Variants in POT1 observed in about 807,000 individuals in gnomAD.
POT1 encodes protection of telomeres 1.
A neutral mutation model predicts 78.5 loss-of-function variants in POT1; 47 were observed. The ratio of observed to expected loss-of-function variants is 0.60; its 90% CI spans 0.47 to 0.76. The LOEUF is 0.76. POT1 is among the 30% of genes least tolerant of loss of function. The pLI is 0.00. For synonymous variants in POT1, 259 were observed against 260.7 expected (o/e 0.99, Z 0.06); for missense variants, 646 against 749.9 (o/e 0.86, Z 1.62).
At chr7:124,828,028 G>A (rs753599936) in intron 16 of POT1, among the ~76,000 whole-genome samples, 1 of 151,930 alleles carries the variant, frequency 6.6e-6, no homozygotes, top group African/African-American at 2.4e-5. Flanking sequence ...GTAAGGCTCT[G>A]TCTCAAAATA....
intron 2 of POT1, among the ~76,000 whole-genome samples, chr7:124,916,782 GAGCC>G (rs1797025011): frequency 6.6e-6 from 1 of 152,024 alleles, no homozygotes. Flanking sequence ...AAAACACATG[GAGCC>G]CCCAAGCTGC....
Position 124,892,173 on chromosome 7 carries a change from T to C in POT1, c.124+93A>G, listed in dbSNP as rs1221227687. 8 of 738,518 alleles carry C rather than the reference T, an allele frequency of 1.1e-5. No individual in the cohort carries two copies. The East Asian group carries it at 2.4e-4, about 22-fold the overall frequency. 45.7% of individuals were successfully genotyped at this position (738,518 alleles called of 1,614,324 possible). On this transcript the variant is annotated intron_variant, in intron 6 of 18. Transcript: ENST00000357628. ...TGGCAATTATAGGTCAGAACTGAGC[T>C]TCTATTCTAGGACTTAGGGTACAGA...
At chr7:124,839,871 G>C (rs1435153959) in intron 14 of POT1, among the ~76,000 whole-genome samples, 1 of 151,742 alleles carries the variant, frequency 6.6e-6, no homozygotes, top group Non-Finnish European at 1.5e-5. Context: ...GTTTACATTA[G>C]TAACAAACCA....
At chr7:124,896,698 T>C (rs1305860899) in intron 5 of POT1, among the ~76,000 whole-genome samples, 1 of 151,750 alleles carries the variant, frequency 6.6e-6, no homozygotes, top group Non-Finnish European at 1.5e-5. Flanking sequence ...GCTATATCTA[T>C]GCTATAAAAT....
chr7:124,869,984 A>G (rs1318397716), intron 7 of POT1, among the ~76,000 whole-genome samples: 1 of 152,218 alleles, frequency 6.6e-6, no homozygotes, highest in African/African-American at 2.4e-5. Context: ...GCCTAAGAGT[A>G]GAACACAGCT....
chr7:124,863,332 G>A lies in POT1; in HGVS notation c.546+18C>T. 6.3e-7 allele frequency: 1 copy of A among 1,597,790 alleles called. No individual in the cohort carries two copies. Among genetic ancestry groups the A allele is most frequent in the Non-Finnish European group, 8.5e-7 (1 of 1,172,496 alleles). On this transcript the variant is annotated intron_variant, in intron 8 of 18. Coordinates refer to ENST00000357628, the MANE Select transcript of POT1 (RefSeq NM_015450.3). ...AAGTGGTGCTAACTTATAATTCCCA[G>A]TATTAAAAAATATGTACCTTTAGAA... is the stretch of plus-strand genomic sequence containing the variant.
chr7:124,870,983 G>T lies in POT1; in HGVS notation c.183C>A (p.Leu61=). 6.2e-7 allele frequency: 1 copy of T among 1,610,456 alleles called. No homozygotes were observed. The highest frequency in any genetic ancestry group is 1.1e-5 in the South Asian group (1 of 90,710). ...DQTNVKLTCL[L]FSGNYEALPI... ...GAAGGGCTTCATAGTTTCCACTAAA[G>T]AGCAGGCAAGTTAGTTTTACATTTG... Residue 61 remains leucine (L), a synonymous_variant, in exon 7 of 19, where the codon CTC becomes CTA. Coordinates refer to ENST00000357628, the MANE Select transcript of POT1 (RefSeq NM_015450.3).
intron 7 of POT1, 95 bp downstream of exon 7, chr7:124,870,816 A>G (rs1406830275): frequency 1.9e-6 from 2 of 1,068,166 alleles, no homozygotes; most frequent in East Asian, 5.8e-5. Flanking sequence ...GTCATGTTCT[A>G]ACAAAGCAAC....
intron 18 of POT1, among the ~76,000 whole-genome samples, chr7:124,824,459 T>C (rs1794582958): frequency 6.6e-6 from 1 of 152,034 alleles, no homozygotes; most frequent in African/African-American, 2.4e-5. Context: ...TTAACACAAA[T>C]TAAAACTGAC....
At chr7:124,871,748 GTAAT>G (rs1795876309) in intron 6 of POT1, among the ~76,000 whole-genome samples, 1 of 110,152 alleles carries the variant, frequency 9.1e-6, no homozygotes, top group African/African-American at 4.0e-5. Flanking sequence ...TTTTTTTTTT[GTAAT>G]TAACATATAA....
chr7:124,861,140 T>A (rs965857121), intron 8 of POT1, among the ~76,000 whole-genome samples: 1 of 152,228 alleles, frequency 6.6e-6, no homozygotes, highest in African/African-American at 2.4e-5. Context: ...GATTGCAGTG[T>A]TAAACAGTAT....
chr7:124,906,096 T>G (rs1796758966), intron 3 of POT1, among the ~76,000 whole-genome samples: 1 of 152,108 alleles, frequency 6.6e-6, no homozygotes, highest in African/African-American at 2.4e-5. Flanking sequence ...CTCAAAGATC[T>G]AGAACTAGAA....
At chr7:124,889,520 A>G (rs552570845) in intron 6 of POT1, among the ~76,000 whole-genome samples, 2 of 152,148 alleles carry the variant, frequency 1.3e-5, no homozygotes, top group Admixed American at 1.3e-4. Flanking sequence ...AATGTAAACC[A>G]AACAGTCTTC....
At chr7:124,903,089 C>A (rs1796664305) in intron 3 of POT1, among the ~76,000 whole-genome samples, 1 of 152,112 alleles carries the variant, frequency 6.6e-6, no homozygotes, top group Non-Finnish European at 1.5e-5. Context: ...GACTTTAACA[C>A]CCCACTGTCA....
At chr7:124,878,346 G>T (rs544148128) in intron 6 of POT1, among the ~76,000 whole-genome samples, 14 of 151,790 alleles carry the variant, frequency 9.2e-5, no homozygotes, top group Non-Finnish European at 1.5e-4. Context: ...AGCAGGGGGT[G>T]GGGGGAAGAA....
intron 9 of POT1, among the ~76,000 whole-genome samples, chr7:124,858,055 G>A (rs1403269945): frequency 6.6e-6 from 1 of 152,086 alleles, no homozygotes; most frequent in African/African-American, 2.4e-5. Flanking sequence ...TGAGTGAGTG[G>A]AGCTCTCCCC....
chr7:124,827,259 T>C lies in POT1; in HGVS notation c.1641A>G (p.Thr547=), dbSNP rs2116414921. 6.2e-7 allele frequency: 1 copy of C among 1,600,758 alleles called. No individual in the cohort carries two copies. The highest frequency in any genetic ancestry group is 8.5e-7 in the Non-Finnish European group (1 of 1,169,944). Residue 547 remains threonine, a synonymous_variant, in exon 17 of 19, where the codon ACA becomes ACG. Transcript: ENST00000357628. ...PLQYVFVMTF[T]LDDGTGVLEA... is the part of the protein sequence containing the mutation. The stretch of plus-strand genomic sequence containing the variant: ...CTAGTACTCCTGTTCCATCATCAAG[T>C]GTAAAGGTCATAACAAACACATATT...
chr7:124,924,514 C>CAGAT (rs60385062), intron 2 of POT1, among the ~76,000 whole-genome samples: 90,629 of 151,060 alleles, frequency 0.6, 27,267 homozygotes, highest in African/African-American at 0.65. Context: ...AGTCCAGGAC[C>CAGAT]AGATGGATTC....
chr7:124,892,339 A>G lies in POT1; in HGVS notation c.51T>C (p.Leu17=). Residue 17 remains leucine (L), a synonymous_variant, in exon 6 of 19, where the codon CTT becomes CTC. Coordinates refer to ENST00000357628, the MANE Select transcript of POT1 (RefSeq NM_015450.3). The part of the protein sequence containing the change: ...TNYIYTPLNQ[L]KGGTIVNVYG... Reference sequence around the variant, plus strand: ...AGACATTGACAATTGTACCACCCTTAAGTTGATTCAGGGGTGTATATATAT... The same window carrying G: ...AGACATTGACAATTGTACCACCCTTGAGTTGATTCAGGGGTGTATATATAT... 6.5e-7 allele frequency: 1 copy of G among 1,530,600 alleles called. No homozygotes were observed. Among genetic ancestry groups the G allele is most frequent in the South Asian group, 1.3e-5 (1 of 77,672 alleles). 94.8% of individuals were successfully genotyped at this position (1,530,600 alleles called of 1,614,324 possible). A position where few individuals can be genotyped will look rare whatever the true frequency, so the allele number is the denominator to read the frequency against.
Sources: allele counts gnomAD v4.1 joint callset (sites outside exome capture counted in the v4.1 genomes callset), GRCh38; gene constraint gnomAD v4.1.1; transcripts MANE v1.5; gene names NCBI Gene and HGNC (gene_info 2026-07-23, HGNC 2026-07-21).